Variants in PRPF4 observed in about 807,000 individuals in gnomAD.
PRPF4 encodes the protein U4/U6 small nuclear ribonucleoprotein Prp4.
A neutral mutation model predicts 72.2 loss-of-function variants in PRPF4; 14 were observed. The ratio of observed to expected loss-of-function variants is 0.19; its 90% CI spans 0.13 to 0.30. PRPF4 has a LOEUF of 0.30. Among genes scored for constraint, PRPF4 ranks in the 10% least tolerant of loss-of-function variants. PRPF4 has a pLI of 1.00. For synonymous variants in PRPF4, 225 were observed against 232.2 expected, an observed-to-expected ratio of 0.97 and a Z score of 0.28; for missense variants, 478 against 653.9, an observed-to-expected ratio of 0.73 and a Z score of 2.93.
chr9:113,278,618 C>T (rs1832184394), intron 2 of PRPF4, among the ~76,000 whole-genome samples: 1 of 152,214 alleles, frequency 6.6e-6, no homozygotes, highest in South Asian at 2.1e-4. Context: ...GTTTCTGTTA[C>T]ATCTTCTGGA....
intron 9 of PRPF4, 86 bp from the exon 10 acceptor site, chr9:113,288,089 G>A (rs942045227): frequency 2.0e-5 from 25 of 1,279,294 alleles, no homozygotes; most frequent in Admixed American, 9.8e-5. Flanking sequence ...GTGTTGTACA[G>A]AATGGGTATG....
chr9:113,288,298 G>T (rs770337746), intron 10 of PRPF4, 34 bp downstream of exon 10: 4 of 1,593,064 alleles, frequency 2.5e-6, no homozygotes, highest in Non-Finnish European at 3.4e-6. Flanking sequence ...ATCCATATAG[G>T]CCTGTAGCAT....
chr9:113,288,525 C>T (rs1391291217), intron 10 of PRPF4, among the ~76,000 whole-genome samples: 1 of 151,658 alleles, frequency 6.6e-6, no homozygotes, highest in Admixed American at 6.6e-5. Flanking sequence ...CAACCGCCGT[C>T]TCCCGGGTTC....
intron 9 of PRPF4, among the ~76,000 whole-genome samples, chr9:113,287,452 G>T: frequency 6.6e-6 from 1 of 150,484 alleles, no homozygotes. Context: ...AACTACAACA[G>T]TTTTTAAAAA....
chr9:113,282,857 C>T (rs923628609), intron 4 of PRPF4, 124 bp downstream of exon 4: 2 of 1,020,842 alleles, frequency 2.0e-6, no homozygotes, highest in African/African-American at 3.3e-5. Flanking sequence ...AAGGCTCTAC[C>T]ATTCAAGAAG....
At chr9:113,285,238 C>G (rs985868640) in intron 7 of PRPF4, among the ~76,000 whole-genome samples, 1 of 151,148 alleles carries the variant, frequency 6.6e-6, no homozygotes, top group Non-Finnish European at 1.5e-5. Context: ...CATGGTGGCT[C>G]ACACTTGTAA....
chr9:113,284,454 A>G, intron 7 of PRPF4, 65 bp downstream of exon 7: 1 of 1,365,002 alleles, frequency 7.3e-7, no homozygotes, highest in African/African-American at 1.4e-5. Context: ...GAAAATTAGC[A>G]TTTGCGTTAG....
At chr9:113,286,632 A>C in intron 8 of PRPF4, 73 bp from the exon 9 acceptor site, 3 of 1,565,222 alleles carry the variant, frequency 1.9e-6, no homozygotes, top group Non-Finnish European at 1.8e-6. Context: ...GTATGTCCAC[A>C]TGTTCCCTAG....
At chr9:113,286,167 T>C in intron 7 of PRPF4, 65 bp from the exon 8 acceptor site, 1 of 1,548,198 alleles carries the variant, frequency 6.5e-7, no homozygotes, top group Non-Finnish European at 8.9e-7. Flanking sequence ...TTTAGTAATA[T>C]TACCAAGGTA....
chr9:113,278,576 G>A (rs754276915), intron 2 of PRPF4, among the ~76,000 whole-genome samples: 1 of 152,202 alleles, frequency 6.6e-6, no homozygotes, highest in Non-Finnish European at 1.5e-5. Context: ...CTCCTTTCGA[G>A]AATAAATAGC....
In PRPF4 at chr9:113,276,527, T is replaced by A. The variant is rs1832101486; in HGVS notation, c.28-21T>A. 2 of 1,613,824 alleles carry A rather than the reference T, an allele frequency of 1.2e-6. No homozygotes were observed. The highest frequency in any genetic ancestry group is 1.3e-5 in the African/African-American group (1 of 74,938). On this transcript the variant is annotated intron_variant, in intron 1 of 13. Coordinates refer to ENST00000374198, the MANE Select transcript of PRPF4 (RefSeq NM_001244926.2). Reference sequence around the variant, plus strand: ...TTGCCAAGATTAAACCTTAGTTTAATGCAGATCTTTGATTTAGCAGGCAAC... The same window carrying A: ...TTGCCAAGATTAAACCTTAGTTTAAAGCAGATCTTTGATTTAGCAGGCAAC...
chr9:113,280,663 C>G (rs1411615465), intron 3 of PRPF4, among the ~76,000 whole-genome samples: 5 of 152,156 alleles, frequency 3.3e-5, no homozygotes, highest in Non-Finnish European at 7.4e-5. Flanking sequence ...TCTTCTCATA[C>G]TTGGAGTAAA....
At chr9:113,287,095 T>C (rs771604215) in intron 9 of PRPF4, among the ~76,000 whole-genome samples, 5 of 152,212 alleles carry the variant, frequency 3.3e-5, no homozygotes, top group African/African-American at 9.6e-5. Context: ...CCAAGATGGT[T>C]TAAGAGTCAA....
chr9:113,284,707 CT>C (rs1377373417), intron 7 of PRPF4, among the ~76,000 whole-genome samples: 1 of 152,184 alleles, frequency 6.6e-6, no homozygotes, highest in African/African-American at 2.4e-5. Flanking sequence ...TCTGGCTTTT[CT>C]TTTTCAGTTA....
At chr9:113,287,006 T>C (rs371218192) in intron 9 of PRPF4, among the ~76,000 whole-genome samples, 178 bp downstream of exon 9, 1 of 152,096 alleles carries the variant, frequency 6.6e-6, no homozygotes, top group South Asian at 2.1e-4. Context: ...GAGCCGAGAT[T>C]GCACACTGCA....
chr9:113,290,614 G>C, intron 11 of PRPF4, 26 bp downstream of exon 11: 1 of 1,614,060 alleles, frequency 6.2e-7, no homozygotes, highest in Non-Finnish European at 8.5e-7. Flanking sequence ...TGTAGTCAGG[G>C]GCAGTTCAGT....
chr9:113,286,989 T>C (rs1477538907), intron 9 of PRPF4, among the ~76,000 whole-genome samples, 161 bp downstream of exon 9: 1 of 151,706 alleles, frequency 6.6e-6, no homozygotes, highest in Non-Finnish European at 1.5e-5. Flanking sequence ...GAAATGGAGG[T>C]TGTGGTGAGC....
Position 113,291,826 on chromosome 9 carries a change from C to T in PRPF4, c.*166C>T. 1 of 683,678 alleles carries T rather than the reference C, an allele frequency of 1.5e-6. No homozygotes were observed. The highest frequency in any genetic ancestry group is 2.4e-6 in the Non-Finnish European group (1 of 422,998). 42.4% of individuals were successfully genotyped at this position (683,678 alleles called of 1,614,324 possible). A position where few individuals can be genotyped will look rare whatever the true frequency, so the allele number is the denominator to read the frequency against. ...GTCAGCCCCCACTCCAGGAAGGCAG[C>T]CCAATCCCTAGGTGATGGGGAACCC... On this transcript the variant is annotated 3_prime_UTR_variant, in exon 14 of 14. Transcript: ENST00000374198.
At chr9:113,291,389 T>A in intron 13 of PRPF4, 78 bp from the exon 14 acceptor site, 1 of 1,412,632 alleles carries the variant, frequency 7.1e-7, no homozygotes, top group Admixed American at 2.2e-5. Flanking sequence ...ATAGTATGTT[T>A]TTGCAGACTT....
Sources: gnomAD v4.1 joint callset for allele counts (sites outside exome capture counted in the v4.1 genomes callset) on GRCh38, gnomAD v4.1.1 for gene constraint, MANE v1.5 for transcripts, NCBI Gene and HGNC (gene_info 2026-07-23, HGNC 2026-07-21) for gene names.